Variants in SPATS2L observed in about 807,000 individuals in gnomAD.
SPATS2L encodes the protein spermatogenesis associated serine rich 2 like.
SPATS2L carries 30 observed loss-of-function variants against 59.6 expected under a neutral mutation model. The ratio of observed to expected loss-of-function variants is 0.50; its 90% CI spans 0.38 to 0.68. The LOEUF is 0.68. SPATS2L is among the 30% of genes least tolerant of loss of function. The probability of loss-of-function intolerance (pLI) is 0.00; values close to 1 mark genes in which losing one functional copy is unlikely to be tolerated. For missense variants in SPATS2L, 615 were observed against 700.0 expected, an observed-to-expected ratio of 0.88 and a Z score of 1.37; for synonymous variants, 252 against 263.5, an observed-to-expected ratio of 0.96 and a Z score of 0.42.
chr2:200,389,755 C>T (rs1023850346), intron 3 of SPATS2L: 1 of 153,162 alleles, frequency 6.5e-6, no homozygotes, highest in African/African-American at 2.4e-5. Context: ...GGTGGTCACG[C>T]TGGGCAGCCT....
intron 3 of SPATS2L, among the ~76,000 whole-genome samples, chr2:200,391,167 A>G (rs917871526): frequency 1.3e-5 from 2 of 152,192 alleles, no homozygotes; most frequent in African/African-American, 2.4e-5. Context: ...CTCAAAAAAC[A>G]AACAAACAAA....
chr2:200,451,198 C>T (rs964379094), intron 8 of SPATS2L, among the ~76,000 whole-genome samples: 11 of 142,746 alleles, frequency 7.7e-5, no homozygotes, highest in Non-Finnish European at 1.1e-4. Flanking sequence ...GTGTAGATCT[C>T]CAGTCCCAGC....
At chr2:200,392,776 C>A (rs1485515096) in intron 3 of SPATS2L, among the ~76,000 whole-genome samples, 1 of 152,110 alleles carries the variant, frequency 6.6e-6, no homozygotes, top group Non-Finnish European at 1.5e-5. Flanking sequence ...CTGATGCTAT[C>A]TCCAGGTAGA....
chr2:200,396,856 GTTC>G (rs534035292), intron 3 of SPATS2L, among the ~76,000 whole-genome samples: 44 of 152,254 alleles, frequency 2.9e-4, no homozygotes, highest in African/African-American at 1.0e-3. Flanking sequence ...CATGAAACAG[GTTC>G]TTGTCATCAT....
chr2:200,411,552 A>G (rs1384057180), intron 3 of SPATS2L, among the ~76,000 whole-genome samples: 1 of 152,256 alleles, frequency 6.6e-6, no homozygotes, highest in African/African-American at 2.4e-5. Context: ...TAAAATCAAT[A>G]GAACATTCTG....
At chr2:200,388,676 G>A (rs1233122036) in intron 2 of SPATS2L, among the ~76,000 whole-genome samples, 3 of 148,200 alleles carry the variant, frequency 2.0e-5, no homozygotes, top group South Asian at 2.2e-4. Flanking sequence ...TGAAATTAGA[G>A]CATTCCAGAT....
At chr2:200,456,397 G>A (rs1470297412) in intron 8 of SPATS2L, among the ~76,000 whole-genome samples, 1 of 152,190 alleles carries the variant, frequency 6.6e-6, no homozygotes, top group Non-Finnish European at 1.5e-5. Flanking sequence ...ACATCCTCAA[G>A]GGTGTGCATT....
rs371361152 is a variant in SPATS2L, at chr2:200,360,448, C to T, written c.-22-28775C>T. Among the ~76,000 whole-genome samples the T allele has an allele frequency of 1.6e-3, 239 of 152,354 alleles. 1 individual carries two copies. The highest frequency in any genetic ancestry group is 5.4e-3 in the African/African-American group (224 of 41,580). ...AGAGTGGGACATTACATCCCCTTCTCTACCTCTGTCCTCCCCAACCAGGGG... is the reference window on the plus strand; with the variant it reads ...AGAGTGGGACATTACATCCCCTTCTTTACCTCTGTCCTCCCCAACCAGGGG... On this transcript the variant is annotated intron_variant, in intron 2 of 12. Coordinates refer to ENST00000409140, the MANE Select transcript of SPATS2L (RefSeq NM_001100423.2).
intron 9 of SPATS2L, chr2:200,461,021 C>G (rs1402770261): frequency 6.6e-6 from 1 of 151,956 alleles, no homozygotes; most frequent in African/African-American, 2.4e-5. Flanking sequence ...ACCATGTTAG[C>G]CAGGATGGTC....
intron 11 of SPATS2L, among the ~76,000 whole-genome samples, chr2:200,471,250 A>G (rs2087009221): frequency 6.6e-6 from 1 of 152,182 alleles, no homozygotes; most frequent in Non-Finnish European, 1.5e-5. Flanking sequence ...TTCTGACTGC[A>G]TTTTTAAAAA....
chr2:200,336,496 A>G (rs935452896), intron 2 of SPATS2L, among the ~76,000 whole-genome samples: 3 of 152,360 alleles, frequency 2.0e-5, no homozygotes, highest in Admixed American at 2.0e-4. Context: ...CTCATAGTTA[A>G]AATGTGTGGA....
chr2:200,310,783 C>T (rs2079168601), intron 1 of SPATS2L, among the ~76,000 whole-genome samples: 2 of 152,348 alleles, frequency 1.3e-5, no homozygotes, highest in African/African-American at 4.8e-5. Context: ...TCTAAGATGA[C>T]ATGCTCATTT....
chr2:200,457,513 A>G (rs541713512), intron 8 of SPATS2L, among the ~76,000 whole-genome samples: 28 of 152,224 alleles, frequency 1.8e-4, no homozygotes, highest in Admixed American at 3.9e-4. Context: ...TGCATTTCCT[A>G]TATTTAAAAC....
intron 3 of SPATS2L, among the ~76,000 whole-genome samples, chr2:200,411,649 C>T (rs2082881793): frequency 6.6e-6 from 1 of 152,168 alleles, no homozygotes; most frequent in Admixed American, 6.5e-5. Flanking sequence ...CTAGGAAATG[C>T]ATATATGTCA....
rs145070287 is a variant in SPATS2L at position 200,313,213 on chromosome 2, G to C, written c.-73+6291G>C. The stretch of plus-strand genomic sequence containing the variant: ...GTCAGCAACGCCTGTGGCTCTGCAG[G>C]TGATGAGTATCACCTGAAGTGATAT... On this transcript the variant is annotated intron_variant, in intron 1 of 12. Coordinates refer to ENST00000409140, the MANE Select transcript of SPATS2L (RefSeq NM_001100423.2). Among the ~76,000 whole-genome samples, 436 of 152,352 alleles carry C rather than the reference G, an allele frequency of 2.9e-3. 1 individual carries two copies. Among genetic ancestry groups the C allele is most frequent in the African/African-American group, 0.01 (420 of 41,588 alleles).
At chr2:200,417,183 C>T (rs902093301) in intron 5 of SPATS2L, among the ~76,000 whole-genome samples, 6 of 152,170 alleles carry the variant, frequency 3.9e-5, no homozygotes, top group African/African-American at 7.2e-5. Context: ...GGATATAGTA[C>T]GCCAGTCTAC....
At chr2:200,413,721 G>T (rs989973017) in intron 4 of SPATS2L, among the ~76,000 whole-genome samples, 4 of 152,184 alleles carry the variant, frequency 2.6e-5, no homozygotes, top group Admixed American at 6.5e-5. Flanking sequence ...GCATTTCAGG[G>T]CAAGGTCTTG....
chr2:200,380,025 A>G (rs2081748815), intron 2 of SPATS2L, among the ~76,000 whole-genome samples: 2 of 152,176 alleles, frequency 1.3e-5, no homozygotes, highest in Non-Finnish European at 2.9e-5. Flanking sequence ...GGTCACTTTT[A>G]GAAAAAGGCA....
Position 200,452,521 on chromosome 2 carries a change from A to G in SPATS2L, c.789-7248A>G, listed in dbSNP as rs556458230. ...CAGTATGATGAACAATTTATTAACC[A>G]TGATTTCAAATCATTGTATGATTCC... On this transcript the variant is annotated intron_variant, in intron 8 of 12. Transcript: ENST00000409140. Among the ~76,000 whole-genome samples, 5 of 152,340 alleles carry G rather than the reference A, an allele frequency of 3.3e-5. No homozygotes were observed. The South Asian group carries it at 1.0e-3, about 32-fold the overall frequency.
Sources: allele counts gnomAD v4.1 joint callset (sites outside exome capture counted in the v4.1 genomes callset), GRCh38; gene constraint gnomAD v4.1.1; transcripts MANE v1.5; gene names NCBI Gene and HGNC (gene_info 2026-07-23, HGNC 2026-07-21).